The following FAM53B variants were observed in gnomAD, a reference collection of about 807,000 sequenced individuals.
The protein encoded by FAM53B is protein FAM53B.
Under a neutral mutation model 32.7 loss-of-function variants are expected in FAM53B, and 12 were observed. That is an observed-to-expected ratio of 0.37 (90% confidence interval 0.24 to 0.59). The LOEUF (loss-of-function observed/expected upper bound fraction) is 0.59, where lower values mean the gene tolerates loss of function less well. FAM53B is among the 20% of genes least tolerant of loss of function. FAM53B has a pLI of 0.72. For synonymous variants in FAM53B, 234 were observed against 228.7 expected, an observed-to-expected ratio of 1.02 and a Z score of -0.21; for missense variants, 477 against 577.7, an observed-to-expected ratio of 0.83 and a Z score of 1.79.
intron 4 of FAM53B, among the ~76,000 whole-genome samples, chr10:124,638,961 G>A (rs1393278420): frequency 6.6e-6 from 1 of 152,224 alleles, no homozygotes; most frequent in African/African-American, 2.4e-5. Context: ...GAGCCCCACA[G>A]GACCTGCTGG....
intron 4 of FAM53B, among the ~76,000 whole-genome samples, chr10:124,639,124 C>G (rs369802353): frequency 1.7e-4 from 26 of 152,182 alleles, no homozygotes; most frequent in African/African-American, 6.0e-4. Flanking sequence ...TCCCGTCTCT[C>G]TAACCCAATG....
chr10:124,634,519 T>C (rs1210786259), intron 4 of FAM53B, among the ~76,000 whole-genome samples: 1 of 152,216 alleles, frequency 6.6e-6, no homozygotes, highest in Non-Finnish European at 1.5e-5. Flanking sequence ...CGAGAGCTGA[T>C]GGTTTTATAA....
intron 4 of FAM53B, among the ~76,000 whole-genome samples, chr10:124,646,329 G>T (rs980946215): frequency 6.6e-6 from 1 of 152,210 alleles, no homozygotes; most frequent in South Asian, 2.1e-4. Flanking sequence ...ATACAGATGG[G>T]CTGTATCTGC....
At chr10:124,632,963 C>T (rs1949401134) in intron 4 of FAM53B, among the ~76,000 whole-genome samples, 1 of 152,164 alleles carries the variant, frequency 6.6e-6, no homozygotes, top group African/African-American at 2.4e-5. Flanking sequence ...GCCTCAGTTT[C>T]TCATGTGTAC....
intron 1 of FAM53B, among the ~76,000 whole-genome samples, chr10:124,720,445 G>A (rs1950062230): frequency 6.6e-6 from 1 of 152,192 alleles, no homozygotes; most frequent in Admixed American, 6.5e-5. Context: ...GGGCAATAAA[G>A]TGAGGTCCTA....
intron 3 of FAM53B, among the ~76,000 whole-genome samples, chr10:124,690,281 T>C (rs1589751765): frequency 6.6e-6 from 1 of 152,304 alleles, no homozygotes; most frequent in Middle Eastern, 3.4e-3. Context: ...ATCTCATGGG[T>C]TGTCACAGCA....
At chr10:124,647,250 T>C (rs1949522616) in intron 4 of FAM53B, among the ~76,000 whole-genome samples, 1 of 152,090 alleles carries the variant, frequency 6.6e-6, no homozygotes, top group Non-Finnish European at 1.5e-5. Context: ...ATTTCATAAA[T>C]GGGGACTCTG....
chr10:124,678,908 C>G (rs1362589294), intron 4 of FAM53B, among the ~76,000 whole-genome samples: 1 of 152,244 alleles, frequency 6.6e-6, no homozygotes, highest in African/African-American at 2.4e-5. Flanking sequence ...AAGATCTGCT[C>G]TAGGCCCCAG....
Position 124,681,884 on chromosome 10 carries a change from G to C in FAM53B, c.629C>G (p.Thr210Ser). Residue 210 changes from threonine to serine, a missense_variant, in exon 4 of 5, where the codon ACC becomes AGC. By Grantham distance (58) the Thr-to-Ser change is moderately conservative. This residue lies in a region of FAM53B where 312 missense variants were observed against 420.2 expected (regional missense o/e 0.74). Coordinates refer to ENST00000337318, the MANE Select transcript of FAM53B (RefSeq NM_014661.4). The part of the protein sequence containing the change: ...GSAPCGQAGD[T>S]WSPDLHPVGG... Reference sequence around the variant, plus strand: ...CACGGGGTGCAGGTCAGGGCTCCAGGTGTCACCTGCCTGTCCACACGGGGC... The same window carrying C: ...CACGGGGTGCAGGTCAGGGCTCCAGCTGTCACCTGCCTGTCCACACGGGGC... 4 of 1,613,706 alleles carry C rather than the reference G, an allele frequency of 2.5e-6. No homozygotes were observed. Among genetic ancestry groups the C allele is most frequent in the Non-Finnish European group, 3.4e-6 (4 of 1,179,902 alleles).
At chr10:124,678,872 G>A (rs1280621992) in intron 4 of FAM53B, among the ~76,000 whole-genome samples, 1 of 152,154 alleles carries the variant, frequency 6.6e-6, no homozygotes, top group Non-Finnish European at 1.5e-5. Flanking sequence ...CCAGAGGGAA[G>A]CCCCCGTGTG....
intron 1 of FAM53B, among the ~76,000 whole-genome samples, chr10:124,715,491 C>CT (rs1260724614): frequency 6.6e-6 from 1 of 152,202 alleles, no homozygotes; most frequent in African/African-American, 2.4e-5. Context: ...CCTGTGCCTC[C>CT]TGCCTATGCC....
chr10:124,690,820 G>A lies in FAM53B; in HGVS notation c.133+5338C>T, dbSNP rs578209508. Among the ~76,000 whole-genome samples, 112 of 152,094 alleles carry A rather than the reference G, an allele frequency of 7.4e-4. 3 individuals carry two copies. In the South Asian group the frequency reaches 0.022, roughly 31 times the overall value. On this transcript the variant is annotated intron_variant, in intron 3 of 4. Transcript: ENST00000337318. ...ATATATATATACATACTTACATATGGATGTAATTTTTTTTCAATGAAAACA... is the reference window on the plus strand; with the variant it reads ...ATATATATATACATACTTACATATGAATGTAATTTTTTTTCAATGAAAACA...
At chr10:124,638,043 G>T (rs1238864601) in intron 4 of FAM53B, among the ~76,000 whole-genome samples, 2 of 152,190 alleles carry the variant, frequency 1.3e-5, no homozygotes, top group African/African-American at 4.8e-5. Context: ...GGACTGAAAT[G>T]ATGATCCATT....
In FAM53B at chr10:124,676,191, T is replaced by TTTAC. The variant is rs566870996; in HGVS notation, c.906+5412_906+5415dup. The stretch of plus-strand genomic sequence containing the variant: ...GTGCCTGCCCACAAAAGTTTTTGCC[T>TTTAC]TTACTTGTATTTAGCATTTCTTTCA... On this transcript the variant is annotated intron_variant, in intron 4 of 4. Coordinates refer to ENST00000337318, the MANE Select transcript of FAM53B (RefSeq NM_014661.4). 2.8e-4 allele frequency among the ~76,000 whole-genome samples: 43 copies of TTTAC among 152,316 alleles called. 1 individual carries two copies. The South Asian group carries it at 8.9e-3, about 32-fold the overall frequency.
intron 3 of FAM53B, among the ~76,000 whole-genome samples, chr10:124,689,868 A>G (rs982225808): frequency 2.0e-5 from 3 of 152,254 alleles, no homozygotes; most frequent in African/African-American, 4.8e-5. Flanking sequence ...GGCTGGGTAG[A>G]CTAGGGTCTT....
intron 3 of FAM53B, 27 bp downstream of exon 3, chr10:124,696,131 G>A (rs1949868491): frequency 6.3e-7 from 1 of 1,599,318 alleles, no homozygotes; most frequent in East Asian, 2.2e-5. Context: ...TAGGAGGACA[G>A]CTTCCAGGAT....
rs147071629 is a variant in FAM53B at position 124,683,479 on chromosome 10, A to G, written c.134-1100T>C. Among the ~76,000 whole-genome samples, 360 of 152,332 alleles carry G rather than the reference A, an allele frequency of 2.4e-3. 2 individuals carry two copies. The highest frequency in any genetic ancestry group is 3.8e-3 in the Non-Finnish European group (259 of 68,028). On this transcript the variant is annotated intron_variant, in intron 3 of 4. Transcript: ENST00000337318. Reference sequence around the variant, plus strand: ...AGTGAAACCTGAAATGATATTTGGTAGGTATTTAAATGCACGCCGGGTCTC... The same window carrying G: ...AGTGAAACCTGAAATGATATTTGGTGGGTATTTAAATGCACGCCGGGTCTC...
At chr10:124,721,806 G>C (rs1343197630) in intron 1 of FAM53B, among the ~76,000 whole-genome samples, 1 of 152,196 alleles carries the variant, frequency 6.6e-6, no homozygotes, top group Non-Finnish European at 1.5e-5. Flanking sequence ...AGCCTGCCCT[G>C]CAGACTGTCC....
chr10:124,631,905 T>C (rs1230141454), intron 4 of FAM53B, among the ~76,000 whole-genome samples: 1 of 152,112 alleles, frequency 6.6e-6, no homozygotes, highest in East Asian at 1.9e-4. Context: ...CTGCCAAGCG[T>C]GCAGGGAACC....
Sources: allele counts gnomAD v4.1 joint callset (sites outside exome capture counted in the v4.1 genomes callset), GRCh38; gene constraint gnomAD v4.1.1; regional missense constraint gnomAD v4.1.1; transcripts MANE v1.5; gene names NCBI Gene and HGNC (gene_info 2026-07-23, HGNC 2026-07-21).